Variants in KTN1 observed in about 807,000 individuals in gnomAD.
KTN1 encodes the protein kinectin 1.
Under a neutral mutation model 222.5 loss-of-function variants are expected in KTN1, and 130 were observed. The ratio of observed to expected loss-of-function variants is 0.58; its 90% CI spans 0.51 to 0.68. The LOEUF is 0.68. Among genes scored for constraint, KTN1 ranks in the 30% least tolerant of loss-of-function variants. The pLI is 0.00. For missense variants in KTN1, 1,508 were observed against 1,500.4 expected (o/e 1.01, Z -0.08); for synonymous variants, 512 against 496.3 (o/e 1.03, Z -0.42).
Position 55,672,650 on chromosome 14 carries a change from T to A in KTN1, c.3552T>A (p.Ser1184=), listed in dbSNP as rs1018543352. 3 of 1,607,106 alleles carry A rather than the reference T, an allele frequency of 1.9e-6. No individual in the cohort carries two copies. The highest frequency in any genetic ancestry group is 3.3e-5 in the Admixed American group (2 of 59,866). The change falls in exon 38 of 44, where the codon TCT becomes TCA. Residue 1184 remains serine (S), a synonymous_variant. Transcript: ENST00000395314. ...TIKQMQSSFT[S]SEQELERLRS... Reference sequence around the variant, plus strand: ...TTCAGATGCAGTCATCATTTACATCTTCAGAACAAGAGCTAGAGCGATTAA... The same window carrying A: ...TTCAGATGCAGTCATCATTTACATCATCAGAACAAGAGCTAGAGCGATTAA...
chr14:55,642,266 A>G (rs2041880951), intron 18 of KTN1, among the ~76,000 whole-genome samples: 3 of 152,190 alleles, frequency 2.0e-5, no homozygotes. Flanking sequence ...TGCCTAGTCT[A>G]GTGCTTTGTT....
chr14:55,651,269 C>G (rs1483666873), intron 24 of KTN1: 4 of 455,774 alleles, frequency 8.8e-6, no homozygotes, highest in African/African-American at 8.0e-5. Context: ...ATGAAAAGAT[C>G]ATACTTTTCT....
At position 55,625,353 on chromosome 14, in the gene KTN1, ACTTG is replaced by A. The variant is rs893225982; in HGVS notation, c.964-2555_964-2552del. 1.8e-3 allele frequency among the ~76,000 whole-genome samples: 268 copies of A among 152,314 alleles called. 2 individuals are homozygous for A. The highest frequency in any genetic ancestry group is 6.2e-3 in the African/African-American group (258 of 41,566). On this transcript the variant is annotated intron_variant, in intron 5 of 43. Transcript: ENST00000395314. The stretch of plus-strand genomic sequence containing the variant: ...TTTTTTATCATTGACCTTTAAATAT[ACTTG>A]CTTCAGTTATATTTTAAACTTTAAA...
At chr14:55,678,918 T>G (rs1166525170) in intron 42 of KTN1, 1 of 156,338 alleles carries the variant, frequency 6.4e-6, no homozygotes, top group Non-Finnish European at 1.4e-5. Flanking sequence ...GGAAAAATTG[T>G]CTTCCACAAA....
chr14:55,629,005 G>C (rs1386828909), intron 6 of KTN1, among the ~76,000 whole-genome samples: 1 of 152,152 alleles, frequency 6.6e-6, no homozygotes, highest in Non-Finnish European at 1.5e-5. Context: ...AACATGATTA[G>C]TCCTAATGAT....
intron 24 of KTN1, chr14:55,651,541 C>A (rs1458012081): frequency 1.1e-5 from 4 of 374,330 alleles, no homozygotes; most frequent in Non-Finnish European, 2.1e-5. Flanking sequence ...TATGACTGGT[C>A]TGAGTGCAGT....
At position 55,671,775 on chromosome 14, in the gene KTN1, T is replaced by C; in HGVS notation, c.3439-10T>C. ...TGAATTTTTCAAAACAACTATGCTT[T>C]TGTCTGTAGGAAGGAATTTTACAGA... On this transcript the variant is annotated splice_polypyrimidine_tract_variant and intron_variant, in intron 36 of 43. Transcript: ENST00000395314. 2 of 1,598,124 alleles carry C rather than the reference T, an allele frequency of 1.3e-6. No homozygotes were observed. The highest frequency in any genetic ancestry group is 1.1e-5 in the South Asian group (1 of 90,522).
At chr14:55,618,537 A>T (rs1375885520) in intron 4 of KTN1, among the ~76,000 whole-genome samples, 2 of 152,084 alleles carry the variant, frequency 1.3e-5, no homozygotes, top group African/African-American at 4.8e-5. Flanking sequence ...ACCTTTTAAA[A>T]CTTATAATTT....
chr14:55,649,640 AG>A, intron 21 of KTN1, 135 bp from the exon 22 acceptor site: 1 of 591,040 alleles, frequency 1.7e-6, no homozygotes, highest in Non-Finnish European at 2.9e-6. Flanking sequence ...ACATTAAAAA[AG>A]TCTCGAAAGA....
Position 55,637,316 on chromosome 14 carries a change from A to G in KTN1, c.1668A>G (p.Ser556=), listed in dbSNP as rs779491160. The G allele has an allele frequency of 6.2e-7, 1 of 1,610,080 alleles. No individual in the cohort carries two copies. Among genetic ancestry groups the G allele is most frequent in the Non-Finnish European group, 8.5e-7 (1 of 1,177,564 alleles). ...LEQRLMQLME[S]EQKRVNKEES... ...AAAGACTAATGCAGTTAATGGAATC[A>G]GAGCAGAAAAGGGTGAACAAAGAAG... Residue 556 remains serine (S), a synonymous_variant, in exon 11 of 44, where the codon TCA becomes TCG. Transcript: ENST00000395314.
In KTN1 at chr14:55,670,822, A is replaced by G. The variant is rs2141310189; in HGVS notation, c.3348+13A>G. 1 of 1,527,042 alleles carries G rather than the reference A, an allele frequency of 6.5e-7. No homozygotes were observed. Among genetic ancestry groups the G allele is most frequent in the Non-Finnish European group, 9.0e-7 (1 of 1,110,368 alleles). 94.6% of individuals were successfully genotyped at this position (1,527,042 alleles called of 1,614,324 possible). On this transcript the variant is annotated intron_variant, in intron 35 of 43. Transcript: ENST00000395314. ...AGAGGAGGTTAAGGTTAGTTCAGCA[A>G]ATGAACTGTTTGTAATTTAAACATA...
rs35297700 is a variant in KTN1 at position 55,657,397 on chromosome 14, G to GTTTTTTTTTT, written c.2893-1144_2893-1135dup. 1.7e-4 allele frequency among the ~76,000 whole-genome samples: 23 copies of GTTTTTTTTTT among 137,674 alleles called. 1 individual carries two copies. The highest frequency in any genetic ancestry group is 6.3e-4 in the African/African-American group (23 of 36,528). The allele number at this position is 137,674 out of a possible 152,430, so 90.3% of individuals were successfully genotyped here. A position where few individuals can be genotyped will look rare whatever the true frequency, so the allele number is the denominator to read the frequency against. On this transcript the variant is annotated intron_variant, in intron 29 of 43. Coordinates refer to ENST00000395314, the MANE Select transcript of KTN1 (RefSeq NM_001079521.2). ...CCCACACTTTTTCCACTGAGTTGAC[G>GTTTTTTTTTT]TTTTTTTTTTTTTTACTAATTTGTA...
At chr14:55,611,265 T>C (rs1378734798) in intron 1 of KTN1, among the ~76,000 whole-genome samples, 1 of 122,038 alleles carries the variant, frequency 8.2e-6, no homozygotes, top group Non-Finnish European at 1.9e-5. Flanking sequence ...TTTCTTGTCT[T>C]TTTTTTTTTT....
At position 55,684,548 on chromosome 14, in the gene KTN1, G is replaced by A. The variant is rs571394911; in HGVS notation, c.*445G>A. On this transcript the variant is annotated 3_prime_UTR_variant, in exon 44 of 44. Transcript: ENST00000395314. ...TAATGTAATCGGTTTTTGTAATGGC[G>A]TCAGCAAATAAAAGGATGCTTATTA... 6.2e-5 allele frequency: 12 copies of A among 194,866 alleles called. No homozygotes were observed. Among genetic ancestry groups the A allele is most frequent in the Middle Eastern group, 1.8e-3 (1 of 556 alleles). 12.1% of individuals were successfully genotyped at this position (194,866 alleles called of 1,614,324 possible).
intron 29 of KTN1, among the ~76,000 whole-genome samples, chr14:55,657,476 G>A (rs1226059946): frequency 1.3e-5 from 2 of 150,522 alleles, no homozygotes; most frequent in Non-Finnish European, 3.0e-5. Flanking sequence ...ATTATATGAG[G>A]TGATTTATTT....
rs757426390 is a variant in KTN1, at chr14:55,672,685, A to G, written c.3587A>G (p.Asn1196Ser). 1 of 1,594,600 alleles carries G rather than the reference A, an allele frequency of 6.3e-7. No individual in the cohort carries two copies. Among genetic ancestry groups the G allele is most frequent in the East Asian group, 2.2e-5 (1 of 44,672 alleles). ...GAGCTAGAGCGATTAAGAAGCGAAA[A>G]TAAGGATATTGAAAATGTATGTTAT... ...EQELERLRSE[N>S]KDIENLRRER... The change falls in exon 38 of 44, where the codon AAT (asparagine) becomes AGT (serine). Residue 1196 changes from asparagine (N) to serine (S), a missense_variant. Transcript: ENST00000395314.
At chr14:55,604,458 A>G (rs75763956) in intron 1 of KTN1, among the ~76,000 whole-genome samples, 12,183 of 152,262 alleles carry the variant, frequency 0.08, 534 homozygotes, top group South Asian at 0.11. Flanking sequence ...CAACATGGCA[A>G]AACCCTGTCT....
At chr14:55,672,592 G>A in intron 37 of KTN1, 38 bp from the exon 38 acceptor site, 3 of 1,265,348 alleles carry the variant, frequency 2.4e-6, no homozygotes, top group Non-Finnish European at 3.4e-6. Flanking sequence ...TATATCCTTG[G>A]TGGTTTTACT....
intron 10 of KTN1, 23 bp from the exon 11 acceptor site, chr14:55,637,175 T>C (rs1475060209): frequency 6.4e-7 from 1 of 1,553,814 alleles, no homozygotes; most frequent in Non-Finnish European, 8.8e-7. Flanking sequence ...GAGACCTCTG[T>C]AAAATGTAAT....
Sources: allele counts gnomAD v4.1 joint callset (sites outside exome capture counted in the v4.1 genomes callset), GRCh38; gene constraint gnomAD v4.1.1; transcripts MANE v1.5; gene names NCBI Gene and HGNC (gene_info 2026-07-23, HGNC 2026-07-21).